Variants in NEK8 observed in about 807,000 individuals in gnomAD.
NEK8 encodes NIMA related kinase 8.
In NEK8, 51 loss-of-function variants were observed where a neutral mutation model predicts 77.2. The ratio of observed to expected loss-of-function variants is 0.66; its 90% CI spans 0.53 to 0.83. The LOEUF (loss-of-function observed/expected upper bound fraction) is 0.83. NEK8 is among the 40% of genes least tolerant of loss of function. The pLI, the probability that NEK8 is intolerant of heterozygous loss-of-function variation, is 0.00. For missense variants in NEK8, 787 were observed against 909.2 expected, an observed-to-expected ratio of 0.87 and a Z score of 1.73; for synonymous variants, 365 against 363.2, an observed-to-expected ratio of 1.00 and a Z score of -0.06.
intron 10 of NEK8, among the ~76,000 whole-genome samples, chr17:28,739,999 A>AT (rs1328798596): frequency 2.6e-5 from 4 of 151,542 alleles, no homozygotes; most frequent in Admixed American, 2.6e-4. Flanking sequence ...AAGGAGGAGG[A>AT]TTTTGAGCCG....
chr17:28,740,566 C>T lies in NEK8; in HGVS notation c.1521C>T (p.Ser507=). 1 of 1,614,204 alleles carries T rather than the reference C, an allele frequency of 6.2e-7. No individual in the cohort carries two copies. The highest frequency in any genetic ancestry group is 8.5e-7 in the Non-Finnish European group (1 of 1,180,016). ...GAGTTGTATGTGGTATCGATTCCTC[C>T]ATGATCCTCACTGTGCCTGGCCAAG... The part of the protein sequence containing the change: ...AQRVVCGIDS[S]MILTVPGQAL... Residue 507 remains serine (S), a synonymous_variant, in exon 11 of 15, where the codon TCC becomes TCT. Transcript: ENST00000268766. The surrounding 1 kb of genome is among the most constrained non-coding windows in gnomAD (Gnocchi z 4.7).
chr17:28,728,861 G>C lies in NEK8; in HGVS notation c.47+1G>C, dbSNP rs1367268677. 6.4e-6 allele frequency: 10 copies of C among 1,550,580 alleles called. No homozygotes were observed. The East Asian group carries it at 2.2e-4, about 34-fold the overall frequency. On this transcript the variant is annotated splice_donor_variant, in intron 1 of 14. Coordinates refer to ENST00000268766, the MANE Select transcript of NEK8 (RefSeq NM_178170.3). LOFTEE classifies it high-confidence loss of function. ...GAGTGGTGGGGAGAGGTGCCTTCGG[G>C]TGAGCCAGGGCTCTGGGGGAGGAAA...
At chr17:28,734,232 C>T (rs1295969498) in intron 2 of NEK8, 44 bp downstream of exon 2, 1 of 1,539,080 alleles carries the variant, frequency 6.5e-7, no homozygotes, top group Non-Finnish European at 9.0e-7. Flanking sequence ...GGGCCTCTTA[C>T]CTCTGGGACA....
Position 28,740,500 on chromosome 17 carries a change from C to T in NEK8, c.1455C>T (p.Cys485=). ...TAGGCACCAGGGAGTCCCACAGCTG[C>T]CCCCAGCAGGTGCCCATGCCCCCAG... ...LGLGTRESHS[C]PQQVPMPPGQ... Residue 485 remains cysteine (C), a synonymous_variant, in exon 11 of 15, where the codon TGC becomes TGT. Transcript: ENST00000268766. The surrounding 1 kb of genome is among the most constrained non-coding windows in gnomAD (Gnocchi z 4.7). The T allele has an allele frequency of 6.2e-7, 1 of 1,614,052 alleles. No individual in the cohort carries two copies. The highest frequency in any genetic ancestry group is 1.6e-4 in the Middle Eastern group (1 of 6,062).
At chr17:28,735,561 C>T (rs992335149) in intron 4 of NEK8, among the ~76,000 whole-genome samples, 190 bp downstream of exon 4, 14 of 152,084 alleles carry the variant, frequency 9.2e-5, no homozygotes, top group Admixed American at 3.9e-4. Context: ...TCCCATTAGA[C>T]GGAGGGCTCC....
chr17:28,741,279 T>C lies in NEK8; in HGVS notation c.1891+43T>C, dbSNP rs760678518. 6 of 1,395,260 alleles carry C rather than the reference T, an allele frequency of 4.3e-6. No homozygotes were observed. The highest frequency in any genetic ancestry group is 2.4e-5 in the South Asian group (2 of 83,900). The allele number at this position is 1,395,260 out of a possible 1,614,324, so 86.4% of individuals were successfully genotyped here. A position where few individuals can be genotyped will look rare whatever the true frequency, so the allele number is the denominator to read the frequency against. ...TGGGGGCAGACAGTGCCATGAGCAG[T>C]GGGGGGTGGGGGTTGCTATTCAGGG... On this transcript the variant is annotated intron_variant, in intron 13 of 14. Transcript: ENST00000268766. This position sits in a 1 kb window ranked among gnomAD's most constrained non-coding sequence, Gnocchi z 4.5.
At chr17:28,729,855 A>G (rs2151730242) in intron 1 of NEK8, among the ~76,000 whole-genome samples, 1 of 152,138 alleles carries the variant, frequency 6.6e-6, no homozygotes, top group East Asian at 1.9e-4. Flanking sequence ...CAGAAGTGAG[A>G]TTTAAGGCCA....
At chr17:28,736,867 T>C (rs1449657557) in intron 4 of NEK8, among the ~76,000 whole-genome samples, 1 of 152,226 alleles carries the variant, frequency 6.6e-6, no homozygotes, top group Non-Finnish European at 1.5e-5. Flanking sequence ...CTGAATGGTA[T>C]TGCCTAGGTA....
At position 28,742,667 on chromosome 17, in the gene NEK8, T is replaced by C; in HGVS notation, c.*680T>C. The C allele has an allele frequency of 6.4e-6, 1 of 155,934 alleles. No individual in the cohort carries two copies. Among genetic ancestry groups the C allele is most frequent in the South Asian group, 1.8e-4 (1 of 5,472 alleles). The allele number at this position is 155,934 out of a possible 1,614,324, so 9.7% of individuals were successfully genotyped here. A position where few individuals can be genotyped will look rare whatever the true frequency, so the allele number is the denominator to read the frequency against. ...TGGGCCGGCGGCGGTGGCTCACACC[T>C]GCATAGGCAGTGCTTTGGCCAGGAG... On this transcript the variant is annotated 3_prime_UTR_variant, in exon 15 of 15. Transcript: ENST00000268766.
chr17:28,737,243 AGGGGCTGGAGCTGGGGGGTGCT>A lies in NEK8; in HGVS notation c.619-61_619-40del. 1 of 1,518,390 alleles carries A rather than the reference AGGGGCTGGAGCTGGGGGGTGCT, an allele frequency of 6.6e-7. No homozygotes were observed. The highest frequency in any genetic ancestry group is 1.2e-5 in the South Asian group (1 of 83,830). 94.1% of individuals were successfully genotyped at this position (1,518,390 alleles called of 1,614,324 possible). A position where few individuals can be genotyped will look rare whatever the true frequency, so the allele number is the denominator to read the frequency against. ...AAAGCTGTTATTATCCCAGGAGACC[AGGGGCTGGAGCTGGGGGGTGCT>A]GCCCTCACTTCCCCAAATTCTCAAC... On this transcript the variant is annotated intron_variant, in intron 4 of 14. Coordinates refer to ENST00000268766, the MANE Select transcript of NEK8 (RefSeq NM_178170.3). This position sits in a 1 kb window ranked among gnomAD's most constrained non-coding sequence, Gnocchi z 4.8.
intron 8 of NEK8, 91 bp downstream of exon 8, chr17:28,738,336 C>A: frequency 7.1e-7 from 1 of 1,411,436 alleles, no homozygotes; most frequent in Non-Finnish European, 1.0e-6. Context: ...TTAATGAATG[C>A]TTCTGTCTAC....
At chr17:28,738,811 G>A (rs926328727) in intron 9 of NEK8, 64 bp downstream of exon 9, 3 of 1,304,114 alleles carry the variant, frequency 2.3e-6, no homozygotes, top group East Asian at 2.3e-5. Flanking sequence ...ACATCTGTGA[G>A]TTGACACCAG....
rs9911086 is a variant in NEK8 at position 28,734,568 on chromosome 17, C to T, written c.254-204C>T. ...GTGTGGTGGCAGGCACCTGTAGTCC[C>T]AGCTACTAAGGAGGCTGAGGCAGGA... On this transcript the variant is annotated intron_variant, in intron 2 of 14. Transcript: ENST00000268766. 58,774 of 597,258 alleles carry T rather than the reference C, an allele frequency of 0.098. 3,269 individuals are homozygous for T. Among genetic ancestry groups the T allele is most frequent in the East Asian group, 0.16 (5,587 of 35,512 alleles). The allele number at this position is 597,258 out of a possible 1,614,324, so 37.0% of individuals were successfully genotyped here. A position where few individuals can be genotyped will look rare whatever the true frequency, so the allele number is the denominator to read the frequency against.
In NEK8 at chr17:28,737,774, C is replaced by A; in HGVS notation, c.889+38C>A. ...AGGCCGCCAGTCCCCATGGATGCCA[C>A]ACCATTCCCATCAGTTTAATAGTCC... On this transcript the variant is annotated intron_variant, in intron 6 of 14. Coordinates refer to ENST00000268766, the MANE Select transcript of NEK8 (RefSeq NM_178170.3). The surrounding 1 kb of genome is among the most constrained non-coding windows in gnomAD (Gnocchi z 4.8). The A allele has an allele frequency of 6.2e-7, 1 of 1,614,096 alleles. No individual in the cohort carries two copies. Among genetic ancestry groups the A allele is most frequent in the Non-Finnish European group, 8.5e-7 (1 of 1,179,940 alleles).
At chr17:28,734,330 C>G (rs559403982) in intron 2 of NEK8, 142 bp downstream of exon 2, 7 of 760,546 alleles carry the variant, frequency 9.2e-6, no homozygotes, top group African/African-American at 6.9e-5. Flanking sequence ...CCCCGGCTAG[C>G]CCCTTGTCCT....
intron 2 of NEK8, 21 bp from the exon 3 acceptor site, chr17:28,734,751 G>A (rs369312030): frequency 2.6e-6 from 4 of 1,563,402 alleles, no homozygotes; most frequent in Non-Finnish European, 3.5e-6. Flanking sequence ...CCTGGATCTT[G>A]ATTAGTCCCT....
rs375613242 is a variant in NEK8 at position 28,738,256 on chromosome 17, G to A, written c.1222+11G>A. ...CTGCCTGCCTGACTGGTGAGTTGTC[G>A]GGCCTACCTTGTGGGACCTGCTCTG... On this transcript the variant is annotated intron_variant, in intron 8 of 14. Transcript: ENST00000268766. 7 of 1,613,942 alleles carry A rather than the reference G, an allele frequency of 4.3e-6. No individual in the cohort carries two copies. Among genetic ancestry groups the A allele is most frequent in the African/African-American group, 2.7e-5 (2 of 74,910 alleles).
In NEK8 at chr17:28,728,835, C is replaced by G. The variant is rs199621354; in HGVS notation, c.22C>G (p.Arg8Gly). Residue 8 changes from arginine to glycine, a missense_variant, in exon 1 of 15, where the codon CGA becomes GGA. Arg to Gly is a moderately radical substitution (Grantham distance 125, BLOSUM62 -2). Coordinates refer to ENST00000268766, the MANE Select transcript of NEK8 (RefSeq NM_178170.3). The stretch of plus-strand genomic sequence containing the variant: ...TGAGATGGAGAAGTACGAGCGGATC[C>G]GAGTGGTGGGGAGAGGTGCCTTCGG... MEKYERI[R>G]VVGRGAFGIV... 9.5e-5 allele frequency: 148 copies of G among 1,551,608 alleles called. No homozygotes were observed. The highest frequency in any genetic ancestry group is 1.2e-4 in the Non-Finnish European group (143 of 1,146,868).
rs1446547464 is a variant in NEK8, at chr17:28,737,349, C to T, written c.662C>T (p.Ala221Val). The T allele has an allele frequency of 1.9e-6, 3 of 1,613,876 alleles. No homozygotes were observed. The highest frequency in any genetic ancestry group is 1.3e-5 in the African/African-American group (1 of 75,056). Residue 221 changes from alanine to valine, a missense_variant, in exon 5 of 15, where the codon GCA becomes GTA. Physicochemically the swap from Ala to Val is moderately conservative, Grantham distance 64. This residue lies in a region of NEK8 where 271 missense variants were observed against 365.1 expected (regional missense o/e 0.74). Coordinates refer to ENST00000268766, the MANE Select transcript of NEK8 (RefSeq NM_178170.3). This position sits in a 1 kb window ranked among gnomAD's most constrained non-coding sequence, Gnocchi z 4.8. Reference protein sequence around the residue: ...LVLKIMSGTFAPISDRYSPEL... With the variant: ...LVLKIMSGTFVPISDRYSPEL... ...CTGAAGATCATGAGTGGCACCTTTGCACCTATCTCTGACCGGTACAGCCCT... is the reference window on the plus strand; with the variant it reads ...CTGAAGATCATGAGTGGCACCTTTGTACCTATCTCTGACCGGTACAGCCCT...
Sources: gnomAD v4.1 joint callset for allele counts (sites outside exome capture counted in the v4.1 genomes callset) on GRCh38, gnomAD v4.1.1 for gene constraint, gnomAD v4.1.1 regional missense constraint, Gnocchi (gnomAD v3.1) non-coding constraint, MANE v1.5 for transcripts, NCBI Gene and HGNC (gene_info 2026-07-23, HGNC 2026-07-21) for gene names.